CTTN: variants seen among roughly 807,000 people sequenced by gnomAD.
The protein encoded by CTTN is cortactin.
Under a neutral mutation model 84.0 loss-of-function variants are expected in CTTN, and 28 were observed. The observed-to-expected ratio is 0.33, with a 90% CI of 0.25 to 0.46. CTTN has a LOEUF of 0.46. Among genes scored for constraint, CTTN ranks in the 20% least tolerant of loss-of-function variants. The pLI, the probability that CTTN is intolerant of heterozygous loss-of-function variation, is 1.00. For missense variants in CTTN, 641 were observed against 723.8 expected (o/e 0.89, Z 1.31); for synonymous variants, 301 against 288.8 (o/e 1.04, Z -0.43).
intron 6 of CTTN, 54 bp downstream of exon 6, chr11:70,414,706 C>T (rs766149718): frequency 4.7e-5 from 64 of 1,368,602 alleles, no homozygotes; most frequent in East Asian, 2.3e-4. Context: ...GGGCGTTCCC[C>T]GTAGATCTGA....
At position 70,421,324 on chromosome 11, in the gene CTTN, G is replaced by A. The variant is rs2135579436; in HGVS notation, c.791-146G>A. On this transcript the variant is annotated intron_variant, in intron 10 of 17. Transcript: ENST00000301843. ...GGAGCCACCTTCTGGCGCTGAGCCTGGGAGTAGGATCTCAAAGGCCCTAAG... is the reference window on the plus strand; with the variant it reads ...GGAGCCACCTTCTGGCGCTGAGCCTAGGAGTAGGATCTCAAAGGCCCTAAG... 4.4e-6 allele frequency: 3 copies of A among 686,386 alleles called. No individual in the cohort carries two copies. In the South Asian group the frequency reaches 5.2e-5, roughly 12 times the overall value. The allele number at this position is 686,386 out of a possible 1,614,324, so 42.5% of individuals were successfully genotyped here. A position where few individuals can be genotyped will look rare whatever the true frequency, so the allele number is the denominator to read the frequency against.
chr11:70,436,149 A>G lies in CTTN; in HGVS notation c.*987A>G, dbSNP rs1377651145. On this transcript the variant is annotated 3_prime_UTR_variant, in exon 18 of 18. Coordinates refer to ENST00000301843, the MANE Select transcript of CTTN (RefSeq NM_005231.4). ...GGTGTAGTATTTTTGCCAAAATATCATGTTCAATTTCAGTAGTTTGATCAG... is the reference window on the plus strand; with the variant it reads ...GGTGTAGTATTTTTGCCAAAATATCGTGTTCAATTTCAGTAGTTTGATCAG... The G allele has an allele frequency of 1.4e-6, 2 of 1,450,814 alleles. No individual in the cohort carries two copies. The highest frequency in any genetic ancestry group is 9.0e-7 in the Non-Finnish European group (1 of 1,108,802). 89.9% of individuals were successfully genotyped at this position (1,450,814 alleles called of 1,614,324 possible). A position where few individuals can be genotyped will look rare whatever the true frequency, so the allele number is the denominator to read the frequency against.
intron 13 of CTTN, among the ~76,000 whole-genome samples, chr11:70,427,598 G>C (rs899550679): frequency 2.0e-5 from 3 of 152,384 alleles, no homozygotes; most frequent in Middle Eastern, 3.4e-3. Context: ...GTGTCCTTCT[G>C]CGACGCCGCC....
chr11:70,402,773 TA>T (rs1286919829), intron 1 of CTTN, among the ~76,000 whole-genome samples: 1 of 152,244 alleles, frequency 6.6e-6, no homozygotes, highest in Non-Finnish European at 1.5e-5. Context: ...CTGCTATGAA[TA>T]GTGCTGTTCT....
Position 70,422,969 on chromosome 11 carries a change from G to A in CTTN, c.931G>A (p.Gly311Arg), listed in dbSNP as rs2058257051. 4.3e-6 allele frequency: 7 copies of A among 1,614,068 alleles called. No individual in the cohort carries two copies. Among genetic ancestry groups the A allele is most frequent in the Non-Finnish European group, 5.1e-6 (6 of 1,180,014 alleles). ...DYSKGFGGKY[G>R]VQKDRMDKNA... Reference sequence around the variant, plus strand: ...CTCCAAAGGATTCGGCGGGAAGTATGGGGTGCAGAAGGATCGGATGGATAA... The same window carrying A: ...CTCCAAAGGATTCGGCGGGAAGTATAGGGTGCAGAAGGATCGGATGGATAA... Residue 311 changes from glycine (G) to arginine (R), a missense_variant, in exon 12 of 18, where the codon GGG becomes AGG. Coordinates refer to ENST00000301843, the MANE Select transcript of CTTN (RefSeq NM_005231.4).
intron 2 of CTTN, among the ~76,000 whole-genome samples, chr11:70,406,320 G>C (rs1472788509): frequency 1.3e-5 from 2 of 152,112 alleles, no homozygotes; most frequent in African/African-American, 4.8e-5. Flanking sequence ...GCTGCGAAGG[G>C]GTTTTGTCCA....
chr11:70,405,936 C>T (rs2058036900), intron 2 of CTTN, among the ~76,000 whole-genome samples: 1 of 152,220 alleles, frequency 6.6e-6, no homozygotes, highest in Non-Finnish European at 1.5e-5. Context: ...CAGCATGGTG[C>T]CATGGGGCGG....
chr11:70,417,684 C>T (rs548948128), intron 8 of CTTN, among the ~76,000 whole-genome samples: 13 of 152,084 alleles, frequency 8.5e-5, no homozygotes, highest in African/African-American at 2.9e-4. Flanking sequence ...TTAGTAGAGA[C>T]GGAGTTCTGC....
chr11:70,434,211 G>A (rs772543443), intron 17 of CTTN, among the ~76,000 whole-genome samples: 21 of 152,234 alleles, frequency 1.4e-4, no homozygotes, highest in Non-Finnish European at 3.1e-4. Context: ...TCAGCCGCCC[G>A]CCCCGTGTTC....
chr11:70,435,269 T>G lies in CTTN; in HGVS notation c.*107T>G, dbSNP rs997218014. On this transcript the variant is annotated 3_prime_UTR_variant, in exon 18 of 18. Transcript: ENST00000301843. ...GTTTTTTCTGTTTTTTTTTTTTTTT[T>G]TTTTTTTTTGAAGGTGGGGAGGGGA... 7.2e-7 allele frequency: 1 copy of G among 1,392,720 alleles called. No individual in the cohort carries two copies. The allele number at this position is 1,392,720 out of a possible 1,614,324, so 86.3% of individuals were successfully genotyped here.
chr11:70,429,229 C>T (rs1256468800), intron 14 of CTTN, 30 bp downstream of exon 14: 1 of 1,596,430 alleles, frequency 6.3e-7, no homozygotes, highest in African/African-American at 1.3e-5. Flanking sequence ...CCGCAGCGCA[C>T]CCTCCCTGGG....
In CTTN at chr11:70,436,310, G is replaced by A; in HGVS notation, c.*1148G>A. ...ACTCATCTCCTTCCTGAGGAGCCGG[G>A]AGGCTGGACCAGTCCCGTCGTGCAG... On this transcript the variant is annotated 3_prime_UTR_variant, in exon 18 of 18. Transcript: ENST00000301843. 3 of 1,598,278 alleles carry A rather than the reference G, an allele frequency of 1.9e-6. No individual in the cohort carries two copies. The highest frequency in any genetic ancestry group is 2.5e-6 in the Non-Finnish European group (3 of 1,179,782).
intron 13 of CTTN, among the ~76,000 whole-genome samples, chr11:70,427,543 C>T (rs1252286777): frequency 6.6e-6 from 1 of 152,180 alleles, no homozygotes; most frequent in Non-Finnish European, 1.5e-5. Context: ...CCTAGGTAGG[C>T]GATTGGGAAA....
At chr11:70,420,604 G>A (rs2058221926) in intron 10 of CTTN, 94 bp downstream of exon 10, 2 of 875,038 alleles carry the variant, frequency 2.3e-6, no homozygotes, top group African/African-American at 1.6e-5. Flanking sequence ...GCGTGTGCCT[G>A]CTGCACATTG....
At chr11:70,418,857 A>G (rs1223786648) in intron 8 of CTTN, among the ~76,000 whole-genome samples, 1 of 149,176 alleles carries the variant, frequency 6.7e-6, no homozygotes, top group Non-Finnish European at 1.5e-5. Context: ...GCTCAGTGCA[A>G]CCTCCTCCTT....
chr11:70,403,864 A>AT lies in CTTN; in HGVS notation c.-97-1396dup, dbSNP rs11388712. Among the ~76,000 whole-genome samples, 504 of 152,126 alleles carry AT rather than the reference A, an allele frequency of 3.3e-3. 7 individuals carry two copies. The highest frequency in any genetic ancestry group is 0.011 in the African/African-American group (473 of 41,496). ...CCTATCCTTAGCTGCTCATGAGTAG[A>AT]TTTTTATTATTTACTTTATGATTGA... On this transcript the variant is annotated intron_variant, in intron 1 of 17. Coordinates refer to ENST00000301843, the MANE Select transcript of CTTN (RefSeq NM_005231.4).
intron 14 of CTTN, among the ~76,000 whole-genome samples, 191 bp downstream of exon 14, chr11:70,429,390 C>T (rs1291423146): frequency 6.6e-6 from 1 of 152,180 alleles, no homozygotes; most frequent in Admixed American, 6.5e-5. Context: ...GAGTCTCTGG[C>T]CACAATGCTC....
chr11:70,431,313 T>G (rs979865992), intron 15 of CTTN, 33 bp downstream of exon 15: 1 of 1,601,546 alleles, frequency 6.2e-7, no homozygotes. Flanking sequence ...TGAGCGTGAG[T>G]GACTTACTGC....
intron 6 of CTTN, 41 bp from the exon 7 acceptor site, chr11:70,415,622 G>T: frequency 6.5e-7 from 1 of 1,543,988 alleles, no homozygotes; most frequent in Non-Finnish European, 9.0e-7. Flanking sequence ...ACATTGGAAA[G>T]TATTTCTCCC....
Sources: gnomAD v4.1 joint callset for allele counts (sites outside exome capture counted in the v4.1 genomes callset) on GRCh38, gnomAD v4.1.1 for gene constraint, MANE v1.5 for transcripts, NCBI Gene and HGNC (gene_info 2026-07-23, HGNC 2026-07-21) for gene names.